Variants in CNTN5 observed in about 807,000 individuals in gnomAD.
CNTN5 encodes contactin-5.
CNTN5 carries 77 observed loss-of-function variants against 129.1 expected under a neutral mutation model. The observed-to-expected ratio is 0.60, with a 90% CI of 0.50 to 0.72. The LOEUF (loss-of-function observed/expected upper bound fraction) is 0.72. Ranked by LOEUF, CNTN5 falls within the 30% of genes least tolerant of loss-of-function variation. CNTN5 has a pLI of 0.00. For synonymous variants in CNTN5, 509 were observed against 465.6 expected, an observed-to-expected ratio of 1.09 and a Z score of -1.20; for missense variants, 1,478 against 1,328.8, an observed-to-expected ratio of 1.11 and a Z score of -1.75.
chr11:100,331,197 A>G (rs1951899920), intron 21 of CNTN5, among the ~76,000 whole-genome samples: 1 of 152,214 alleles, frequency 6.6e-6, no homozygotes, highest in East Asian at 1.9e-4. Flanking sequence ...TATATCAGAC[A>G]AAACAAACTT....
At chr11:99,385,592 T>C (rs535089176) in intron 2 of CNTN5, among the ~76,000 whole-genome samples, 1 of 152,072 alleles carries the variant, frequency 6.6e-6, no homozygotes, top group Non-Finnish European at 1.5e-5. Context: ...AGAGAGAAAA[T>C]TTGTAAGAAA....
At chr11:99,463,307 G>A (rs1217690145) in intron 2 of CNTN5, among the ~76,000 whole-genome samples, 5 of 146,038 alleles carry the variant, frequency 3.4e-5, no homozygotes, top group South Asian at 4.3e-4. Flanking sequence ...GCGTGGTGGC[G>A]GGCGCCTGTA....
At chr11:99,694,366 CAG>C (rs1054483939) in intron 3 of CNTN5, among the ~76,000 whole-genome samples, 2 of 152,056 alleles carry the variant, frequency 1.3e-5, no homozygotes. Context: ...GTAGTTGCAA[CAG>C]AGTGTGTGTA....
At chr11:99,067,482 T>G (rs1865150826) in intron 1 of CNTN5, among the ~76,000 whole-genome samples, 1 of 150,810 alleles carries the variant, frequency 6.6e-6, no homozygotes, top group Non-Finnish European at 1.5e-5. Context: ...GAAGAATGGC[T>G]GAAGTGTCAT....
chr11:99,686,850 T>C (rs1056179009), intron 3 of CNTN5, among the ~76,000 whole-genome samples: 1 of 152,306 alleles, frequency 6.6e-6, no homozygotes, highest in Non-Finnish European at 1.5e-5. Context: ...CAGAGCCTTC[T>C]TGGTATCCTG....
chr11:99,902,757 C>G (rs182623530), intron 6 of CNTN5, among the ~76,000 whole-genome samples: 136 of 152,144 alleles, frequency 8.9e-4, no homozygotes, highest in African/African-American at 3.2e-3. Flanking sequence ...TAAACTGAAT[C>G]CTTCCTTAAA....
chr11:99,762,402 TAAC>T (rs755759719), intron 3 of CNTN5, among the ~76,000 whole-genome samples: 1 of 152,074 alleles, frequency 6.6e-6, no homozygotes, highest in Non-Finnish European at 1.5e-5. Flanking sequence ...GTTTTAGGTC[TAAC>T]GTTTAAGTCT....
chr11:100,070,917 G>A (rs1408484479), intron 11 of CNTN5, among the ~76,000 whole-genome samples: 1 of 150,478 alleles, frequency 6.6e-6, no homozygotes, highest in Non-Finnish European at 1.5e-5. Context: ...ATTTCCATTT[G>A]TAGCTAACCT....
intron 21 of CNTN5, among the ~76,000 whole-genome samples, chr11:100,326,025 T>C (rs1188814000): frequency 2.0e-5 from 3 of 152,166 alleles, no homozygotes; most frequent in Admixed American, 6.5e-5. Flanking sequence ...TTCTTTTATA[T>C]TTAAAGAACA....
At chr11:99,642,546 C>T (rs930461993) in intron 3 of CNTN5, among the ~76,000 whole-genome samples, 1 of 152,072 alleles carries the variant, frequency 6.6e-6, no homozygotes, top group Non-Finnish European at 1.5e-5. Context: ...ATTTATACAT[C>T]GTGTAATGAA....
At chr11:99,504,008 G>A (rs1277597590) in intron 2 of CNTN5, among the ~76,000 whole-genome samples, 2 of 152,018 alleles carry the variant, frequency 1.3e-5, no homozygotes, top group East Asian at 1.9e-4. Context: ...CTTTATATTT[G>A]TGTGTTAATT....
intron 3 of CNTN5, among the ~76,000 whole-genome samples, chr11:99,818,841 C>A (rs1946677648): frequency 6.6e-6 from 1 of 152,030 alleles, no homozygotes; most frequent in African/African-American, 2.4e-5. Context: ...AAAATTTCAT[C>A]ATTGTTTCCC....
intron 1 of CNTN5, among the ~76,000 whole-genome samples, chr11:99,317,510 GT>G (rs1865391625): frequency 6.6e-6 from 1 of 151,968 alleles, no homozygotes; most frequent in African/African-American, 2.4e-5. Context: ...GTGAGATGTG[GT>G]TTTTGGAAAA....
intron 6 of CNTN5, among the ~76,000 whole-genome samples, chr11:99,906,872 G>A (rs1270924688): frequency 6.6e-6 from 1 of 151,772 alleles, no homozygotes; most frequent in African/African-American, 2.4e-5. Context: ...CTTTAGTCTT[G>A]GAAGGGTGTA....
At chr11:99,442,114 T>C (rs1378019881) in intron 2 of CNTN5, among the ~76,000 whole-genome samples, 1 of 152,192 alleles carries the variant, frequency 6.6e-6, no homozygotes, top group East Asian at 1.9e-4. Flanking sequence ...GTGCATGCCT[T>C]GCTAACTTTG....
rs998317771 is a variant in CNTN5, at chr11:99,887,113, T to C, written c.578-28941T>C. The stretch of plus-strand genomic sequence containing the variant: ...TTTGATGATAATATTATATAATTAT[T>C]GTGTGGTTAAAACATTAAATATTTT... On this transcript the variant is annotated intron_variant, in intron 6 of 24. Coordinates refer to ENST00000524871, the MANE Select transcript of CNTN5 (RefSeq NM_014361.4). Among the ~76,000 whole-genome samples, 14 of 152,310 alleles carry C rather than the reference T, an allele frequency of 9.2e-5. 1 individual carries two copies. In the South Asian group the frequency reaches 2.9e-3, roughly 32 times the overall value.
In CNTN5 at chr11:99,607,335, A is replaced by T. The variant is rs1454981884; in HGVS notation, c.55+51066A>T. Among the ~76,000 whole-genome samples, 15 of 143,822 alleles carry T rather than the reference A, an allele frequency of 1.0e-4. 1 individual carries two copies. The highest frequency in any genetic ancestry group is 1.8e-4 in the Non-Finnish European group (12 of 65,628). The allele number at this position is 143,822 out of a possible 152,430, so 94.4% of individuals were successfully genotyped here. Reference sequence around the variant, plus strand: ...AAAGAAGACATTTATGCAGCCAAAAAACACATGAAGAAATGCTCACCATCA... The same window carrying T: ...AAAGAAGACATTTATGCAGCCAAAATACACATGAAGAAATGCTCACCATCA... On this transcript the variant is annotated intron_variant, in intron 3 of 24. Coordinates refer to ENST00000524871, the MANE Select transcript of CNTN5 (RefSeq NM_014361.4).
chr11:99,237,755 A>G (rs73532955), intron 1 of CNTN5, among the ~76,000 whole-genome samples: 2,578 of 152,300 alleles, frequency 0.017, 85 homozygotes, highest in African/African-American at 0.059. Flanking sequence ...AAAAATAAAA[A>G]CAAAACTATA....
In CNTN5 at chr11:99,488,169, T is replaced by A. The variant is rs1376501816; in HGVS notation, c.-70-67976T>A. On this transcript the variant is annotated intron_variant, in intron 2 of 24. Transcript: ENST00000524871. ...AAGAATCTCCAAGAAGTTTTTTTTTTTTTTTTTTTTTCCTCTTTTTTGACA... is the reference window on the plus strand; with the variant it reads ...AAGAATCTCCAAGAAGTTTTTTTTTATTTTTTTTTTTCCTCTTTTTTGACA... Among the ~76,000 whole-genome samples, 4 of 151,084 alleles carry A rather than the reference T, an allele frequency of 2.6e-5. No individual in the cohort carries two copies. The East Asian group carries it at 7.8e-4, about 29-fold the overall frequency.
Sources: gnomAD v4.1 joint callset for allele counts (sites outside exome capture counted in the v4.1 genomes callset) on GRCh38, gnomAD v4.1.1 for gene constraint, MANE v1.5 for transcripts, NCBI Gene and HGNC (gene_info 2026-07-23, HGNC 2026-07-21) for gene names.